The following NHSL1 variants were observed in gnomAD, a reference collection of about 807,000 sequenced individuals.
The protein encoded by NHSL1 is NHS-like protein 1.
NHSL1 carries 48 observed loss-of-function variants against 95.0 expected under a neutral mutation model. That is an observed-to-expected ratio of 0.51 (90% CI 0.40 to 0.64). The LOEUF (loss-of-function observed/expected upper bound fraction) is 0.64, where lower values mean the gene tolerates loss of function less well. Ranked by LOEUF, NHSL1 falls within the 30% of genes least tolerant of loss-of-function variation. NHSL1 has a pLI of 0.00. For missense variants in NHSL1, 1,971 were observed against 2,077.7 expected (o/e 0.95, Z 1.00); for synonymous variants, 783 against 833.9 (o/e 0.94, Z 1.05).
intron 1 of NHSL1, among the ~76,000 whole-genome samples, chr6:138,618,594 T>C (rs887372708): frequency 6.6e-6 from 1 of 151,638 alleles, no homozygotes; most frequent in Admixed American, 6.6e-5. Flanking sequence ...ACAAAATCAG[T>C]TTTTTTTTAA....
At chr6:138,672,321 C>T (rs1470244509) in intron 1 of NHSL1, among the ~76,000 whole-genome samples, 1 of 151,996 alleles carries the variant, frequency 6.6e-6, no homozygotes, top group Non-Finnish European at 1.5e-5. Context: ...TTTTTTAAAG[C>T]GTGCAGTAAC....
intron 2 of NHSL1, among the ~76,000 whole-genome samples, chr6:138,479,161 G>T (rs1378550980): frequency 6.6e-6 from 1 of 152,134 alleles, no homozygotes; most frequent in East Asian, 1.9e-4. Flanking sequence ...CTATACCTAT[G>T]ATAATGTTTG....
At chr6:138,466,116 T>C (rs1002785088) in intron 3 of NHSL1, among the ~76,000 whole-genome samples, 6 of 150,326 alleles carry the variant, frequency 4.0e-5, no homozygotes, top group Non-Finnish European at 5.9e-5. Flanking sequence ...CTCAGCTCAC[T>C]GCAAGCTCCG....
intron 2 of NHSL1, among the ~76,000 whole-genome samples, chr6:138,480,175 C>T (rs1779328581): frequency 6.6e-6 from 1 of 152,124 alleles, no homozygotes; most frequent in African/African-American, 2.4e-5. Context: ...TTCCAGAACC[C>T]CAGAATATCA....
At chr6:138,562,966 A>G (rs1783470171) in intron 1 of NHSL1, among the ~76,000 whole-genome samples, 1 of 152,244 alleles carries the variant, frequency 6.6e-6, no homozygotes, top group African/African-American at 2.4e-5. Flanking sequence ...TATGAAGTGC[A>G]TACTCAAATA....
chr6:138,525,732 G>C (rs1781877274), intron 1 of NHSL1, among the ~76,000 whole-genome samples: 1 of 151,978 alleles, frequency 6.6e-6, no homozygotes, highest in Admixed American at 6.6e-5. Flanking sequence ...GAGTTTTAAT[G>C]ACAACTTAAG....
At chr6:138,573,361 G>C (rs1783908290), upstream of NHSL1, among the ~76,000 whole-genome samples, 1 of 152,112 alleles carries the variant, frequency 6.6e-6, no homozygotes. Flanking sequence ...GCGTTATTTG[G>C]GGTAAGGCAA....
intron 1 of NHSL1, among the ~76,000 whole-genome samples, chr6:138,645,341 A>G (rs547764733): frequency 9.2e-5 from 14 of 152,052 alleles, no homozygotes; most frequent in Non-Finnish European, 1.8e-4. Flanking sequence ...CTCCTCTCCC[A>G]TCTTTGCTCA....
intron 1 of NHSL1, among the ~76,000 whole-genome samples, chr6:138,511,220 A>T (rs1196629948): frequency 6.6e-6 from 1 of 152,232 alleles, no homozygotes; most frequent in African/African-American, 2.4e-5. Context: ...CATATTTGGA[A>T]GGACTAAGTA....
At chr6:138,492,679 C>T (rs749600680) in intron 2 of NHSL1, among the ~76,000 whole-genome samples, 4 of 152,144 alleles carry the variant, frequency 2.6e-5, no homozygotes, top group East Asian at 1.9e-4. Context: ...TATTGATACT[C>T]GCTGTGTCGT....
intron 1 of NHSL1, among the ~76,000 whole-genome samples, chr6:138,641,149 A>G (rs1784954646): frequency 6.6e-6 from 1 of 152,212 alleles, no homozygotes; most frequent in Admixed American, 6.5e-5. Context: ...TTAAAAATAC[A>G]AAAATTAGCC....
At chr6:138,685,147 ATATAT>A (rs1785569457) in intron 1 of NHSL1, among the ~76,000 whole-genome samples, 1 of 152,190 alleles carries the variant, frequency 6.6e-6, no homozygotes, top group South Asian at 2.1e-4. Flanking sequence ...CGATTTTAAA[ATATAT>A]ACAGCTAAAA....
intron 1 of NHSL1, among the ~76,000 whole-genome samples, chr6:138,497,592 C>A (rs1481477518): frequency 6.6e-6 from 1 of 152,182 alleles, no homozygotes; most frequent in African/African-American, 2.4e-5. Flanking sequence ...TAAACATACT[C>A]TATAGCACAG....
At chr6:138,486,155 C>T (rs1306457648) in intron 2 of NHSL1, among the ~76,000 whole-genome samples, 6 of 152,122 alleles carry the variant, frequency 3.9e-5, no homozygotes, top group Non-Finnish European at 7.3e-5. Context: ...AATCCTTTCC[C>T]CTCCTGCTGA....
chr6:138,558,330 G>A (rs1005263861), intron 1 of NHSL1, among the ~76,000 whole-genome samples: 4 of 151,498 alleles, frequency 2.6e-5, no homozygotes, highest in African/African-American at 9.7e-5. Context: ...CACCGTGTTA[G>A]CCAGGATGGT....
chr6:138,629,886 G>C (rs746020785), intron 1 of NHSL1, among the ~76,000 whole-genome samples: 2 of 152,170 alleles, frequency 1.3e-5, no homozygotes, highest in Admixed American at 6.5e-5. Flanking sequence ...ATAGTCTACA[G>C]AAATAACACA....
At chr6:138,512,946 A>G (rs534265934) in intron 1 of NHSL1, among the ~76,000 whole-genome samples, 1 of 152,284 alleles carries the variant, frequency 6.6e-6, no homozygotes, top group African/African-American at 2.4e-5. Context: ...TGGTTTCCTA[A>G]TAAAATGCAC....
intron 1 of NHSL1, among the ~76,000 whole-genome samples, chr6:138,622,725 G>C (rs1278879577): frequency 6.6e-6 from 1 of 152,104 alleles, no homozygotes; most frequent in Non-Finnish European, 1.5e-5. Context: ...TTCCTAGTCA[G>C]TGTAACCAAT....
chr6:138,548,431 C>T (rs4620141), upstream of NHSL1, among the ~76,000 whole-genome samples: 78,096 of 152,048 alleles, frequency 0.51, 22,311 homozygotes, highest in African/African-American at 0.77. Flanking sequence ...CAGGACAGCT[C>T]TGAATGTGAC....
Sources: allele counts gnomAD v4.1 joint callset (sites outside exome capture counted in the v4.1 genomes callset), GRCh38; gene constraint gnomAD v4.1.1; transcripts MANE v1.5; gene names NCBI Gene and HGNC (gene_info 2026-07-23, HGNC 2026-07-21).